The following SLC38A9 variants were observed in gnomAD, a reference collection of about 807,000 sequenced individuals.
SLC38A9 encodes solute carrier family 38 member 9.
Under a neutral mutation model 62.3 loss-of-function variants are expected in SLC38A9, and 48 were observed. The ratio of observed to expected loss-of-function variants is 0.77; its 90% confidence interval spans 0.61 to 0.98. The LOEUF is 0.98. SLC38A9 is among the 50% of genes least tolerant of loss of function. SLC38A9 has a pLI of 0.00. For synonymous variants in SLC38A9, 204 were observed against 227.7 expected, an observed-to-expected ratio of 0.90 and a Z score of 0.94; for missense variants, 541 against 679.8, an observed-to-expected ratio of 0.80 and a Z score of 2.27.
At chr5:55,696,401 C>T (rs1755690510) in intron 3 of SLC38A9, 1 of 74,288 alleles carries the variant, frequency 1.3e-5, no homozygotes, top group Non-Finnish European at 3.2e-5. Context: ...GGGGCTGACC[C>T]CCCCACCTCC....
chr5:55,627,631 G>C (rs1742675143), intron 15 of SLC38A9, among the ~76,000 whole-genome samples: 1 of 151,760 alleles, frequency 6.6e-6, no homozygotes, highest in Non-Finnish European at 1.5e-5. Flanking sequence ...TAAAGTGGAA[G>C]ATGATGAGAG....
chr5:55,667,594 A>G (rs1292368057), intron 7 of SLC38A9, among the ~76,000 whole-genome samples: 1 of 152,084 alleles, frequency 6.6e-6, no homozygotes, highest in Admixed American at 6.6e-5. Context: ...GTTGGATTCT[A>G]TATGATAATG....
intron 11 of SLC38A9, among the ~76,000 whole-genome samples, chr5:55,647,647 A>G (rs1451138504): frequency 6.6e-6 from 1 of 151,814 alleles, no homozygotes; most frequent in Non-Finnish European, 1.5e-5. Flanking sequence ...TTGTTAGCTA[A>G]TCCTTTTCTA....
chr5:55,669,590 T>A lies in SLC38A9; in HGVS notation c.399A>T (p.Thr133=). ...TGCCCCAAGGAATGCTTAGTATAGA[T>A]GTTCCCATCATGGTATTCCAAATCA... The part of the protein sequence containing the change: ...IFMIWNTMMG[T]SILSIPWGIK... Residue 133 remains threonine, a synonymous_variant, in exon 6 of 16, where the codon ACA becomes ACT. Transcript: ENST00000396865. 1 of 1,610,548 alleles carries A rather than the reference T, an allele frequency of 6.2e-7. No individual in the cohort carries two copies. Among genetic ancestry groups the A allele is most frequent in the Non-Finnish European group, 8.5e-7 (1 of 1,177,646 alleles).
chr5:55,670,121 C>T (rs996747839), intron 4 of SLC38A9, among the ~76,000 whole-genome samples: 12 of 152,088 alleles, frequency 7.9e-5, no homozygotes, highest in Non-Finnish European at 1.5e-4. Flanking sequence ...CCCACCACCA[C>T]GCCTGGCTAA....
At chr5:55,628,524 G>A (rs1742864683) in intron 14 of SLC38A9, among the ~76,000 whole-genome samples, 1 of 152,122 alleles carries the variant, frequency 6.6e-6, no homozygotes, top group Admixed American at 6.5e-5. Context: ...CACTGAGAAG[G>A]CAGTAGTGAT....
At chr5:55,695,841 C>T (rs1304124435) in intron 3 of SLC38A9, among the ~76,000 whole-genome samples, 3 of 77,774 alleles carry the variant, frequency 3.9e-5, no homozygotes, top group South Asian at 5.9e-4. Flanking sequence ...CCAGTAGGGG[C>T]GGCCGGGCAG....
chr5:55,699,777 T>C (rs2150654312), intron 2 of SLC38A9, among the ~76,000 whole-genome samples: 1 of 152,092 alleles, frequency 6.6e-6, no homozygotes, highest in Non-Finnish European at 1.5e-5. Flanking sequence ...AGTTTAAAAG[T>C]TGAAGAGAAA....
intron 10 of SLC38A9, among the ~76,000 whole-genome samples, chr5:55,651,407 G>A (rs1370870669): frequency 4.0e-5 from 6 of 151,568 alleles, no homozygotes; most frequent in African/African-American, 9.7e-5. Context: ...CAGCCACCAC[G>A]CCCGGCTAAT....
chr5:55,658,954 A>G (rs1283032533), intron 8 of SLC38A9, among the ~76,000 whole-genome samples: 2 of 152,222 alleles, frequency 1.3e-5, no homozygotes, highest in African/African-American at 4.8e-5. Flanking sequence ...AATTTTACAA[A>G]AAGTATTCAT....
At chr5:55,701,965 C>T (rs1012820317) in intron 2 of SLC38A9, among the ~76,000 whole-genome samples, 4 of 152,182 alleles carry the variant, frequency 2.6e-5, no homozygotes, top group Admixed American at 2.6e-4. Flanking sequence ...TTGTATCTTT[C>T]ACTTTCTTCT....
chr5:55,659,881 T>G (rs1383733759), intron 8 of SLC38A9, among the ~76,000 whole-genome samples: 1 of 151,806 alleles, frequency 6.6e-6, no homozygotes, highest in African/African-American at 2.4e-5. Flanking sequence ...TTCTCCTGCG[T>G]CAGCCTCCCA....
At chr5:55,711,714 A>G (rs1758072764) in intron 1 of SLC38A9, among the ~76,000 whole-genome samples, 1 of 152,018 alleles carries the variant, frequency 6.6e-6, no homozygotes, top group Non-Finnish European at 1.5e-5. Context: ...TTCCCCCTCT[A>G]GATGTCCCCA....
intron 7 of SLC38A9, among the ~76,000 whole-genome samples, chr5:55,668,050 T>C (rs1359522335): frequency 2.0e-5 from 3 of 152,196 alleles, no homozygotes; most frequent in East Asian, 1.9e-4. Context: ...TATGCACCTG[T>C]AGTCCCAGCT....
chr5:55,694,912 C>T (rs919389193), intron 3 of SLC38A9, among the ~76,000 whole-genome samples: 6 of 152,110 alleles, frequency 3.9e-5, no homozygotes, highest in African/African-American at 1.2e-4. Context: ...GCCACCACGC[C>T]CAGCTAATTT....
At chr5:55,659,760 A>G (rs1055392952) in intron 8 of SLC38A9, among the ~76,000 whole-genome samples, 1 of 148,112 alleles carries the variant, frequency 6.8e-6, no homozygotes, top group African/African-American at 2.5e-5. Flanking sequence ...CAAAATTTTT[A>G]TTTTTTATTT....
At chr5:55,656,568 C>A in intron 9 of SLC38A9, 147 bp downstream of exon 9, 1 of 584,626 alleles carries the variant, frequency 1.7e-6, no homozygotes, top group Non-Finnish European at 3.0e-6. Context: ...TTTTTTTAAA[C>A]ACACTACCAA....
chr5:55,673,502 G>A (rs1299242777), intron 3 of SLC38A9: 1 of 152,040 alleles, frequency 6.6e-6, no homozygotes, highest in Admixed American at 6.6e-5. Flanking sequence ...GTATCCCTCT[G>A]CTGATTCTTA....
At chr5:55,698,622 G>A (rs1247547300) in intron 2 of SLC38A9, among the ~76,000 whole-genome samples, 4 of 152,154 alleles carry the variant, frequency 2.6e-5, no homozygotes, top group African/African-American at 9.7e-5. Context: ...CCTCACAAGG[G>A]AACTACAAAG....
Sources: allele counts gnomAD v4.1 joint callset (sites outside exome capture counted in the v4.1 genomes callset), GRCh38; gene constraint gnomAD v4.1.1; transcripts MANE v1.5; gene names NCBI Gene and HGNC (gene_info 2026-07-23, HGNC 2026-07-21).